The following CNTN5 variants were observed in gnomAD, a reference collection of about 807,000 sequenced individuals.
The protein encoded by CNTN5 is contactin 5, also known as contactin-5.
In CNTN5, 77 loss-of-function variants were observed where a neutral mutation model predicts 129.1. That is an observed-to-expected ratio of 0.60 (90% CI 0.50 to 0.72). The LOEUF (loss-of-function observed/expected upper bound fraction) is 0.72, where lower values mean the gene tolerates loss of function less well. CNTN5 is among the 30% of genes least tolerant of loss of function. The pLI, the probability that CNTN5 is intolerant of heterozygous loss-of-function variation, is 0.00. For synonymous variants in CNTN5, 509 were observed against 465.6 expected, an observed-to-expected ratio of 1.09 and a Z score of -1.20; for missense variants, 1,478 against 1,328.8, an observed-to-expected ratio of 1.11 and a Z score of -1.75.
chr11:99,451,843 T>C (rs377146492), intron 2 of CNTN5, among the ~76,000 whole-genome samples: 1 of 152,150 alleles, frequency 6.6e-6, no homozygotes, highest in African/African-American at 2.4e-5. Context: ...AATTTTGCAT[T>C]TGAATGACAC....
At position 99,756,299 on chromosome 11, in the gene CNTN5, A is replaced by G. The variant is rs183696490; in HGVS notation, c.56-63245A>G. Reference sequence around the variant, plus strand: ...ATCAATTATGGGTTTCTTTAGTAAGATCTCTACCTATGTTTTTTTATAGGT... The same window carrying G: ...ATCAATTATGGGTTTCTTTAGTAAGGTCTCTACCTATGTTTTTTTATAGGT... On this transcript the variant is annotated intron_variant, in intron 3 of 24. Coordinates refer to ENST00000524871, the MANE Select transcript of CNTN5 (RefSeq NM_014361.4). 1.8e-3 allele frequency among the ~76,000 whole-genome samples: 271 copies of G among 152,214 alleles called. 1 individual carries two copies. Among genetic ancestry groups the G allele is most frequent in the Admixed American group, 3.9e-3 (59 of 15,270 alleles).
chr11:99,839,690 T>C lies in CNTN5; in HGVS notation c.278-5162T>C, dbSNP rs1947417030. 3.3e-5 allele frequency among the ~76,000 whole-genome samples: 5 copies of C among 152,162 alleles called. No individual in the cohort carries two copies. In the South Asian group the frequency reaches 1.0e-3, roughly 32 times the overall value. ...AAAGTAGATATAAGATAATAGAATA[T>C]GATATGTAAGTTTTGGAGCTCGGGA... On this transcript the variant is annotated intron_variant, in intron 4 of 24. Coordinates refer to ENST00000524871, the MANE Select transcript of CNTN5 (RefSeq NM_014361.4).
chr11:99,963,703 T>C (rs555042283), intron 8 of CNTN5, among the ~76,000 whole-genome samples: 1 of 152,306 alleles, frequency 6.6e-6, no homozygotes, highest in Non-Finnish European at 1.5e-5. Context: ...AGAAAGTAAT[T>C]AGTAGCTTGA....
intron 2 of CNTN5, among the ~76,000 whole-genome samples, chr11:99,432,857 G>A (rs1223995616): frequency 1.3e-5 from 2 of 151,896 alleles, no homozygotes; most frequent in South Asian, 2.1e-4. Flanking sequence ...CGTGAAGGCT[G>A]TTATGGAACT....
intron 13 of CNTN5, among the ~76,000 whole-genome samples, chr11:100,150,427 G>A (rs1437877359): frequency 6.6e-6 from 1 of 151,722 alleles, no homozygotes; most frequent in Non-Finnish European, 1.5e-5. Context: ...AATGTGTATG[G>A]CCATATGTTC....
chr11:99,397,591 A>T (rs190387093), intron 2 of CNTN5, among the ~76,000 whole-genome samples: 1 of 151,916 alleles, frequency 6.6e-6, no homozygotes, highest in East Asian at 1.9e-4. Context: ...ATAATTCATT[A>T]TACTTTATTT....
chr11:99,642,983 C>T (rs996977525), intron 3 of CNTN5, among the ~76,000 whole-genome samples: 1 of 152,138 alleles, frequency 6.6e-6, no homozygotes, highest in Non-Finnish European at 1.5e-5. Flanking sequence ...TTTTTTCACC[C>T]ATTTACCTGA....
At chr11:99,307,505 A>T (rs1864928441) in intron 1 of CNTN5, among the ~76,000 whole-genome samples, 1 of 152,148 alleles carries the variant, frequency 6.6e-6, no homozygotes. Flanking sequence ...AATATCTTGG[A>T]TAATTATATT....
chr11:99,441,367 C>A (rs1017746591), intron 2 of CNTN5, among the ~76,000 whole-genome samples: 1 of 152,100 alleles, frequency 6.6e-6, no homozygotes, highest in Non-Finnish European at 1.5e-5. Flanking sequence ...TAATCTTGAA[C>A]ATTCAAATTC....
Position 99,619,160 on chromosome 11 carries a change from C to T in CNTN5, c.55+62891C>T, listed in dbSNP as rs187689876. Among the ~76,000 whole-genome samples the T allele has an allele frequency of 1.4e-3, 213 of 147,224 alleles. 1 individual carries two copies. Among genetic ancestry groups the T allele is most frequent in the Admixed American group, 8.8e-3 (123 of 13,914 alleles). ...GATCAAAACTGACTCCATCAAAATTCTTAAAATCAGAGTTTTTTGTTAAAA... is the reference window on the plus strand; with the variant it reads ...GATCAAAACTGACTCCATCAAAATTTTTAAAATCAGAGTTTTTTGTTAAAA... On this transcript the variant is annotated intron_variant, in intron 3 of 24. Transcript: ENST00000524871.
intron 3 of CNTN5, among the ~76,000 whole-genome samples, chr11:99,727,059 C>A (rs1235163634): frequency 1.3e-5 from 2 of 151,436 alleles, no homozygotes; most frequent in African/African-American, 4.9e-5. Context: ...GTAATCCCAG[C>A]ACTTTGGGAG....
chr11:99,173,332 A>G (rs1857619808), intron 1 of CNTN5, among the ~76,000 whole-genome samples: 1 of 152,126 alleles, frequency 6.6e-6, no homozygotes, highest in African/African-American at 2.4e-5. Context: ...TGAGGCTGTC[A>G]CCCACATGGT....
intron 3 of CNTN5, among the ~76,000 whole-genome samples, chr11:99,677,560 A>G (rs1953345319): frequency 6.6e-6 from 1 of 152,272 alleles, no homozygotes; most frequent in African/African-American, 2.4e-5. Flanking sequence ...TTTTGCAATA[A>G]GAATAACTTA....
At chr11:100,290,286 C>T (rs972674875) in intron 18 of CNTN5, among the ~76,000 whole-genome samples, 2 of 152,126 alleles carry the variant, frequency 1.3e-5, no homozygotes, top group Non-Finnish European at 2.9e-5. Flanking sequence ...CAAAAAAGAG[C>T]CTGCATTGCT....
intron 13 of CNTN5, among the ~76,000 whole-genome samples, chr11:100,121,140 T>C (rs1456508173): frequency 6.6e-6 from 1 of 151,960 alleles, no homozygotes; most frequent in Non-Finnish European, 1.5e-5. Flanking sequence ...ACATACCATC[T>C]GGAGGTTACA....
At chr11:99,551,691 C>G (rs11220424) in intron 2 of CNTN5, among the ~76,000 whole-genome samples, 9,701 of 152,122 alleles carry the variant, frequency 0.064, 362 homozygotes, top group Non-Finnish European at 0.076. Flanking sequence ...GTAATATAGT[C>G]TATTGCTTCT....
intron 13 of CNTN5, among the ~76,000 whole-genome samples, chr11:100,143,225 T>C (rs1013521191): frequency 1.3e-5 from 2 of 152,148 alleles, no homozygotes; most frequent in Non-Finnish European, 2.9e-5. Context: ...TGAAAATGTA[T>C]CTGTAACATT....
At chr11:99,660,664 A>G (rs2135915054) in intron 3 of CNTN5, among the ~76,000 whole-genome samples, 1 of 152,216 alleles carries the variant, frequency 6.6e-6, no homozygotes, top group South Asian at 2.1e-4. Flanking sequence ...TAAAGAAAAT[A>G]ATGGGATAAA....
intron 2 of CNTN5, among the ~76,000 whole-genome samples, chr11:99,439,385 T>G (rs1024293708): frequency 3.9e-5 from 6 of 151,920 alleles, no homozygotes; most frequent in Non-Finnish European, 7.4e-5. Flanking sequence ...AAAATAAACT[T>G]GTACACAAAT....
Sources: gnomAD v4.1 joint callset for allele counts (sites outside exome capture counted in the v4.1 genomes callset) on GRCh38, gnomAD v4.1.1 for gene constraint, MANE v1.5 for transcripts, NCBI Gene and HGNC (gene_info 2026-07-23, HGNC 2026-07-21) for gene names.